The following NUDCD3 variants were observed in gnomAD, a reference collection of about 807,000 sequenced individuals.
NUDCD3 encodes the protein nudC domain-containing protein 3.
A neutral mutation model predicts 39.7 loss-of-function variants in NUDCD3; 13 were observed. The observed-to-expected ratio is 0.33, with a 90% CI of 0.21 to 0.52. NUDCD3 has a LOEUF of 0.52. Among genes scored for constraint, NUDCD3 ranks in the 20% least tolerant of loss-of-function variants. The pLI, the probability that NUDCD3 is intolerant of heterozygous loss-of-function variation, is 0.96. For missense variants in NUDCD3, 453 were observed against 458.1 expected, an observed-to-expected ratio of 0.99 and a Z score of 0.10; for synonymous variants, 175 against 172.4, an observed-to-expected ratio of 1.02 and a Z score of -0.12.
chr7:44,440,072 G>A (rs1799546497), intron 2 of NUDCD3, among the ~76,000 whole-genome samples: 2 of 152,198 alleles, frequency 1.3e-5, no homozygotes, highest in South Asian at 4.1e-4. Context: ...CCTTCAGTGG[G>A]GCTGGACTTA....
chr7:44,470,898 C>T (rs536473774), intron 2 of NUDCD3, among the ~76,000 whole-genome samples: 2 of 152,310 alleles, frequency 1.3e-5, no homozygotes, highest in African/African-American at 4.8e-5. Context: ...AGAACATACA[C>T]AAATGTGAAA....
At chr7:44,394,240 TG>T (rs1798577948) in intron 4 of NUDCD3, among the ~76,000 whole-genome samples, 1 of 151,204 alleles carries the variant, frequency 6.6e-6, no homozygotes, top group Non-Finnish European at 1.5e-5. Flanking sequence ...ACAGGGGGAG[TG>T]GGTGGCTCCC....
chr7:44,461,898 A>T (rs138370375), intron 2 of NUDCD3, among the ~76,000 whole-genome samples: 474 of 152,202 alleles, frequency 3.1e-3, no homozygotes, highest in Non-Finnish European at 3.2e-3. Flanking sequence ...AAGGAGGTGG[A>T]CCGTGTAAAA....
chr7:44,455,405 C>A (rs1373017324), intron 2 of NUDCD3, among the ~76,000 whole-genome samples: 1 of 152,154 alleles, frequency 6.6e-6, no homozygotes, highest in Non-Finnish European at 1.5e-5. Flanking sequence ...GTAGTCCTCA[C>A]TTCTTCCCAT....
chr7:44,453,090 C>T (rs1313754750), intron 2 of NUDCD3, among the ~76,000 whole-genome samples: 2 of 152,162 alleles, frequency 1.3e-5, no homozygotes, highest in African/African-American at 4.8e-5. Context: ...CGGTGGCTCA[C>T]GCCTGTAATC....
rs536758711 is a variant in NUDCD3 at position 44,415,966 on chromosome 7, C to T, written c.643-11383G>A. Among the ~76,000 whole-genome samples, 48 of 152,262 alleles carry T rather than the reference C, an allele frequency of 3.2e-4. No individual in the cohort carries two copies. The South Asian group carries it at 7.2e-3, about 23-fold the overall frequency. ...AAGAAAGTACAGCTCTGAAGAAAAA[C>T]ACTTAGACAAGCAAAATCCAAGAGA... On this transcript the variant is annotated intron_variant, in intron 3 of 5. Coordinates refer to ENST00000355451, the MANE Select transcript of NUDCD3 (RefSeq NM_015332.4).
chr7:44,483,281 AAG>A (rs1484693669), intron 2 of NUDCD3, among the ~76,000 whole-genome samples: 1 of 152,218 alleles, frequency 6.6e-6, no homozygotes, highest in African/African-American at 2.4e-5. Flanking sequence ...TGCAAGCTAG[AAG>A]ACAATGGAAT....
Position 44,404,539 on chromosome 7 carries a change from C to T in NUDCD3, c.687G>A (p.Leu229=). The part of the protein sequence containing the change: ...LSSSSIRVAM[L]EENGERVLME... ...TGAGGACGCGCTCCCCATTTTCCTC[C>T]AGCATGGCCACACGAATGGAGCTGC... The change falls in exon 4 of 6, where the codon CTG becomes CTA. Residue 229 remains leucine, a synonymous_variant. Coordinates refer to ENST00000355451, the MANE Select transcript of NUDCD3 (RefSeq NM_015332.4). 1 of 1,614,068 alleles carries T rather than the reference C, an allele frequency of 6.2e-7. No individual in the cohort carries two copies. Among genetic ancestry groups the T allele is most frequent in the Non-Finnish European group, 8.5e-7 (1 of 1,180,026 alleles).
chr7:44,427,597 G>C lies in NUDCD3; in HGVS notation c.616C>G (p.Pro206Ala). The stretch of plus-strand genomic sequence containing the variant: ...TGCTTTCCCTTCACCACGTGCTTGG[G>C]TACTGGCACCCTGACCTCCAGGTCA... ...YTDLEVRVPV[P>A]KHVVKGKQVS... Residue 206 changes from proline (P) to alanine (A), a missense_variant, in exon 3 of 6, where the codon CCC (proline) becomes GCC (alanine). Pro to Ala is a conservative substitution (Grantham distance 27). Coordinates refer to ENST00000355451, the MANE Select transcript of NUDCD3 (RefSeq NM_015332.4). The C allele has an allele frequency of 6.2e-7, 1 of 1,613,274 alleles. No homozygotes were observed. Among genetic ancestry groups the C allele is most frequent in the African/African-American group, 1.3e-5 (1 of 74,966 alleles).
intron 5 of NUDCD3, among the ~76,000 whole-genome samples, chr7:44,386,399 T>G (rs1423428723): frequency 6.6e-6 from 1 of 152,222 alleles, no homozygotes; most frequent in Non-Finnish European, 1.5e-5. Flanking sequence ...CTCTTTATGG[T>G]TCATCTTGTC....
chr7:44,490,381 C>A, intron 1 of NUDCD3, 28 bp downstream of exon 1: 2 of 1,512,346 alleles, frequency 1.3e-6, no homozygotes, highest in South Asian at 1.3e-5. Flanking sequence ...GGCGGCGGCT[C>A]CCCAGACCGC....
intron 2 of NUDCD3, among the ~76,000 whole-genome samples, chr7:44,440,862 T>C (rs1256108052): frequency 1.3e-5 from 2 of 152,240 alleles, no homozygotes; most frequent in Non-Finnish European, 2.9e-5. Flanking sequence ...GAGCTCTCTC[T>C]CTCACCAACA....
chr7:44,386,885 G>A (rs924229164), intron 5 of NUDCD3, among the ~76,000 whole-genome samples: 8 of 152,294 alleles, frequency 5.3e-5, no homozygotes, highest in African/African-American at 1.9e-4. Flanking sequence ...GGGCTGGCAG[G>A]CCCTCTTCTC....
intron 2 of NUDCD3, among the ~76,000 whole-genome samples, chr7:44,476,262 G>A (rs1158635516): frequency 2.0e-5 from 3 of 152,194 alleles, no homozygotes; most frequent in Non-Finnish European, 2.9e-5. Flanking sequence ...CAGCCCACCC[G>A]AGGGACATCA....
At chr7:44,432,570 A>G (rs1799385589) in intron 2 of NUDCD3, among the ~76,000 whole-genome samples, 1 of 152,222 alleles carries the variant, frequency 6.6e-6, no homozygotes, top group Admixed American at 6.5e-5. Context: ...AGAAATGTCA[A>G]GCTTGCTGCT....
At chr7:44,433,044 T>C (rs1799393518) in intron 2 of NUDCD3, among the ~76,000 whole-genome samples, 1 of 152,164 alleles carries the variant, frequency 6.6e-6, no homozygotes, top group Non-Finnish European at 1.5e-5. Flanking sequence ...TGCCCTTACA[T>C]GGAGGCCTCA....
chr7:44,393,681 G>C (rs551807340), intron 4 of NUDCD3, among the ~76,000 whole-genome samples: 1 of 152,330 alleles, frequency 6.6e-6, no homozygotes, highest in South Asian at 2.1e-4. Context: ...ACATGCCCAA[G>C]TGTGATGGGA....
chr7:44,455,492 A>C (rs1799874172), intron 2 of NUDCD3, among the ~76,000 whole-genome samples: 1 of 152,014 alleles, frequency 6.6e-6, no homozygotes, highest in African/African-American at 2.4e-5. Context: ...CAAGCTCCTC[A>C]CACAAAACCT....
intron 2 of NUDCD3, among the ~76,000 whole-genome samples, chr7:44,428,866 T>C (rs773694498): frequency 2.0e-5 from 3 of 152,172 alleles, no homozygotes; most frequent in Non-Finnish European, 2.9e-5. Context: ...ATTCCAACAG[T>C]AGGTGCATCT....
Sources: allele counts gnomAD v4.1 joint callset (sites outside exome capture counted in the v4.1 genomes callset), GRCh38; gene constraint gnomAD v4.1.1; transcripts MANE v1.5; gene names NCBI Gene and HGNC (gene_info 2026-07-23, HGNC 2026-07-21).